Variants in BCAR3 observed in about 807,000 individuals in gnomAD.
BCAR3 encodes BCAR3 adaptor protein, NSP family member.
BCAR3 carries 37 observed loss-of-function variants against 80.1 expected under a neutral mutation model. The observed-to-expected ratio is 0.46, with a 90% CI of 0.36 to 0.61. BCAR3 has a LOEUF of 0.61. BCAR3 is among the 20% of genes least tolerant of loss of function. The probability of loss-of-function intolerance (pLI) is 0.00; values close to 1 mark genes in which losing one functional copy is unlikely to be tolerated. For missense variants in BCAR3, 978 were observed against 1,068.2 expected (o/e 0.92, Z 1.18); for synonymous variants, 389 against 418.9 (o/e 0.93, Z 0.87).
intron 2 of BCAR3, among the ~76,000 whole-genome samples, chr1:93,763,910 T>G (rs1166339267): frequency 6.6e-6 from 1 of 152,176 alleles, no homozygotes; most frequent in East Asian, 1.9e-4. Flanking sequence ...TGAGCTGAGC[T>G]GGCAGGAGCT....
intron 3 of BCAR3, among the ~76,000 whole-genome samples, chr1:93,638,858 G>T (rs556999015): frequency 1.3e-5 from 2 of 152,036 alleles, no homozygotes; most frequent in South Asian, 4.2e-4. Context: ...TACTGTGGGG[G>T]GAAAAAATTG....
intron 3 of BCAR3, among the ~76,000 whole-genome samples, chr1:93,696,850 T>C (rs1331222012): frequency 6.6e-6 from 1 of 152,264 alleles, no homozygotes; most frequent in African/African-American, 2.4e-5. Flanking sequence ...GGGTTGGCAC[T>C]TCTCAAGCGT....
intron 2 of BCAR3, among the ~76,000 whole-genome samples, chr1:93,842,769 T>C (rs1311974313): frequency 6.6e-6 from 1 of 152,172 alleles, no homozygotes; most frequent in African/African-American, 2.4e-5. Context: ...CCCAACCTCG[T>C]CTGTTGACAC....
intron 3 of BCAR3, among the ~76,000 whole-genome samples, chr1:93,611,880 G>A (rs575351452): frequency 2.0e-5 from 3 of 152,266 alleles, no homozygotes; most frequent in East Asian, 3.9e-4. Flanking sequence ...CATGGCTACC[G>A]CAGTGTTATT....
At chr1:93,696,958 C>T (rs1649431535) in intron 3 of BCAR3, among the ~76,000 whole-genome samples, 1 of 152,224 alleles carries the variant, frequency 6.6e-6, no homozygotes, top group African/African-American at 2.4e-5. Context: ...TTACAGCCTC[C>T]TCCAGCCCTG....
intron 2 of BCAR3, among the ~76,000 whole-genome samples, chr1:93,709,296 G>A (rs1434598575): frequency 2.0e-5 from 3 of 152,232 alleles, no homozygotes. Context: ...AGTTGGAGAG[G>A]TGACACTGAT....
At chr1:93,598,531 C>T (rs1248210760) in intron 3 of BCAR3, among the ~76,000 whole-genome samples, 15 of 152,188 alleles carry the variant, frequency 9.9e-5, no homozygotes, top group Non-Finnish European at 2.2e-4. Flanking sequence ...CAAACAGTTG[C>T]CAGCATCTGG....
intron 2 of BCAR3, among the ~76,000 whole-genome samples, chr1:93,740,888 G>T (rs999525690): frequency 6.6e-6 from 1 of 152,182 alleles, no homozygotes; most frequent in African/African-American, 2.4e-5. Flanking sequence ...CGAAAGCACT[G>T]GCTGTGTTTC....
At chr1:93,673,827 G>A (rs780969896) in intron 2 of BCAR3, among the ~76,000 whole-genome samples, 7 of 152,222 alleles carry the variant, frequency 4.6e-5, no homozygotes, top group Non-Finnish European at 1.0e-4. Context: ...AATATAAGGA[G>A]ATATGGGGTC....
intron 2 of BCAR3, among the ~76,000 whole-genome samples, chr1:93,644,169 A>G (rs1300187744): frequency 6.6e-6 from 1 of 152,254 alleles, no homozygotes; most frequent in Non-Finnish European, 1.5e-5. Flanking sequence ...GCATCTGTAA[A>G]GAATCTCTAG....
chr1:93,617,247 G>C (rs1179852058), intron 3 of BCAR3, among the ~76,000 whole-genome samples: 1 of 152,222 alleles, frequency 6.6e-6, no homozygotes, highest in Non-Finnish European at 1.5e-5. Context: ...CCTGCTAGAA[G>C]ATCAGGCTCC....
chr1:93,788,475 C>T (rs1466148315), intron 2 of BCAR3, among the ~76,000 whole-genome samples: 1 of 152,104 alleles, frequency 6.6e-6, no homozygotes, highest in Non-Finnish European at 1.5e-5. Context: ...CTTAGAACTC[C>T]TTTTAGCATT....
At chr1:93,734,894 G>A (rs1172574778) in intron 2 of BCAR3, among the ~76,000 whole-genome samples, 7 of 152,184 alleles carry the variant, frequency 4.6e-5, no homozygotes, top group African/African-American at 1.7e-4. Context: ...CTAAATGTTA[G>A]TTCCTCTGAG....
intron 2 of BCAR3, chr1:93,753,891 A>C (rs1341705074): frequency 6.6e-6 from 1 of 152,166 alleles, no homozygotes; most frequent in Non-Finnish European, 1.5e-5. Flanking sequence ...ACACACACAC[A>C]CACACATGCA....
At chr1:93,683,810 C>T (rs1194287826), upstream of BCAR3, among the ~76,000 whole-genome samples, 3 of 152,192 alleles carry the variant, frequency 2.0e-5, no homozygotes, top group Admixed American at 6.5e-5. Flanking sequence ...CCAGAGGTGA[C>T]TTCTGCATGC....
At chr1:93,687,080 A>T (rs1330158974) in intron 3 of BCAR3, among the ~76,000 whole-genome samples, 1 of 152,180 alleles carries the variant, frequency 6.6e-6, no homozygotes, top group African/African-American at 2.4e-5. Flanking sequence ...TAAGATCTAT[A>T]TCTGGTTTTG....
At chr1:93,661,998 G>A (rs1647684203) in intron 2 of BCAR3, among the ~76,000 whole-genome samples, 1 of 152,220 alleles carries the variant, frequency 6.6e-6, no homozygotes, top group African/African-American at 2.4e-5. Context: ...GGGTTAACAC[G>A]TGATGCGAGA....
At chr1:93,835,175 C>T (rs1420154741) in intron 2 of BCAR3, among the ~76,000 whole-genome samples, 1 of 152,188 alleles carries the variant, frequency 6.6e-6, no homozygotes, top group African/African-American at 2.4e-5. Flanking sequence ...CCATGTCCTA[C>T]ACCACTATGC....
chr1:93,614,433 T>C (rs1675043513), intron 3 of BCAR3, among the ~76,000 whole-genome samples: 1 of 152,014 alleles, frequency 6.6e-6, no homozygotes, highest in Admixed American at 6.6e-5. Flanking sequence ...TCACACCACC[T>C]TGTTATGAAC....
Sources: allele counts gnomAD v4.1 joint callset (sites outside exome capture counted in the v4.1 genomes callset), GRCh38; gene constraint gnomAD v4.1.1; transcripts MANE v1.5; gene names NCBI Gene and HGNC (gene_info 2026-07-23, HGNC 2026-07-21).